INPP4A: variants seen among roughly 807,000 people sequenced by gnomAD.
INPP4A encodes the protein inositol polyphosphate-4-phosphatase, type I, 107kD.
INPP4A carries 33 observed loss-of-function variants against 119.8 expected under a neutral mutation model. That is an observed-to-expected ratio of 0.28 (90% CI 0.21 to 0.37). The LOEUF is 0.37. INPP4A is among the 10% of genes least tolerant of loss of function. The probability of loss-of-function intolerance (pLI) is 1.00; values close to 1 mark genes in which losing one functional copy is unlikely to be tolerated. For missense variants in INPP4A, 956 were observed against 1,289.9 expected, an observed-to-expected ratio of 0.74 and a Z score of 3.97; for synonymous variants, 496 against 500.7, an observed-to-expected ratio of 0.99 and a Z score of 0.12.
chr2:98,465,418 G>A (rs535303569), intron 1 of INPP4A, among the ~76,000 whole-genome samples: 1 of 152,242 alleles, frequency 6.6e-6, no homozygotes, highest in Non-Finnish European at 1.5e-5. Context: ...GGGCCTACCA[G>A]TGTAATCTAG....
At chr2:98,482,548 G>A (rs1384065620) in intron 1 of INPP4A, among the ~76,000 whole-genome samples, 1 of 152,248 alleles carries the variant, frequency 6.6e-6, no homozygotes, top group African/African-American at 2.4e-5. Flanking sequence ...AGGGGCAGCT[G>A]TGGGCCTCTG....
rs150555359 is a variant in INPP4A at position 98,518,017 on chromosome 2, G to A, written c.-165-947G>A. ...AGCATTGCGTTACTTAATGAGTTTG[G>A]TCACTTTTTCAAAATGTTTACCATG... is the stretch of plus-strand genomic sequence containing the variant. On this transcript the variant is annotated intron_variant, in intron 1 of 24. Transcript: ENST00000409851. Among the ~76,000 whole-genome samples the A allele has an allele frequency of 1.1e-4, 17 of 152,316 alleles. No homozygotes were observed. The East Asian group carries it at 3.3e-3, about 29-fold the overall frequency.
At chr2:98,576,873 T>C in intron 23 of INPP4A, 116 bp from the exon 24 acceptor site, 2 of 1,238,300 alleles carry the variant, frequency 1.6e-6, no homozygotes, top group Non-Finnish European at 1.1e-6. Context: ...CAGGCCTGGG[T>C]GTTGAGTTTC....
intron 4 of INPP4A, among the ~76,000 whole-genome samples, chr2:98,531,938 A>G (rs1689315237): frequency 6.6e-6 from 1 of 152,236 alleles, no homozygotes; most frequent in Admixed American, 6.5e-5. Context: ...CTGCATGAAT[A>G]GCAACTATAG....
At chr2:98,529,200 A>G (rs942139378) in intron 4 of INPP4A, among the ~76,000 whole-genome samples, 2 of 152,244 alleles carry the variant, frequency 1.3e-5, no homozygotes, top group African/African-American at 2.4e-5. Flanking sequence ...GATATTTGCT[A>G]GAGTATGGAT....
intron 1 of INPP4A, among the ~76,000 whole-genome samples, chr2:98,516,943 GT>G (rs201545884): frequency 2.7e-5 from 4 of 149,144 alleles, no homozygotes; most frequent in African/African-American, 7.4e-5. Flanking sequence ...ACTCACGTAA[GT>G]TTTTTTTTTA....
chr2:98,519,512 T>A (rs886725896), intron 2 of INPP4A: 1 of 152,852 alleles, frequency 6.5e-6, no homozygotes, highest in African/African-American at 2.4e-5. Flanking sequence ...ACTAGTGTTT[T>A]GCCACCTGTA....
intron 5 of INPP4A, among the ~76,000 whole-genome samples, chr2:98,534,889 A>G (rs1193470493): frequency 6.6e-6 from 1 of 152,224 alleles, no homozygotes; most frequent in Non-Finnish European, 1.5e-5. Context: ...GGTTGAGAAC[A>G]ACAGAGAAGA....
At chr2:98,503,335 G>T (rs541387986) in intron 1 of INPP4A, among the ~76,000 whole-genome samples, 1 of 152,320 alleles carries the variant, frequency 6.6e-6, no homozygotes, top group South Asian at 2.1e-4. Context: ...CTGTGGTCTG[G>T]TGTTAAAGGA....
chr2:98,563,604 G>T lies in INPP4A; in HGVS notation c.1995G>T (p.Leu665=). The change falls in exon 18 of 25, where the codon CTG becomes CTT. Residue 665 remains leucine, a synonymous_variant. Transcript: ENST00000409851. ...CCACCATAGCCACCTACCTGAGCCT[G>T]CAGTACCGCCGTGACGTGGTCTTCT... The part of the protein sequence containing the change: ...SAPTIATYLS[L]QYRRDVVFCQ... 1 of 1,613,258 alleles carries T rather than the reference G, an allele frequency of 6.2e-7. No homozygotes were observed. The highest frequency in any genetic ancestry group is 8.5e-7 in the Non-Finnish European group (1 of 1,179,872).
chr2:98,549,380 A>G lies in INPP4A; in HGVS notation c.1163+2686A>G, dbSNP rs17033304. On this transcript the variant is annotated intron_variant, in intron 13 of 24. Transcript: ENST00000409851. ...CACTTCACTATTACCTCTTATACAA[A>G]TGAAGCCAGCCTACATCTTCATGAT... is the stretch of plus-strand genomic sequence containing the variant. Among the ~76,000 whole-genome samples, 991 of 152,248 alleles carry G rather than the reference A, an allele frequency of 6.5e-3. 18 individuals carry two copies. Among genetic ancestry groups the G allele is most frequent in the African/African-American group, 0.022 (928 of 41,518 alleles).
chr2:98,558,582 C>G (rs886689906), intron 16 of INPP4A, among the ~76,000 whole-genome samples: 7 of 152,154 alleles, frequency 4.6e-5, no homozygotes, highest in African/African-American at 1.7e-4. Context: ...TGTAAAATCC[C>G]CATAAAGCTG....
intron 17 of INPP4A, among the ~76,000 whole-genome samples, chr2:98,562,545 G>T (rs72821962): frequency 8.7e-4 from 132 of 152,312 alleles, no homozygotes; most frequent in Admixed American, 2.1e-3. Flanking sequence ...ACCCTAAGGG[G>T]CATGTACTGC....
At chr2:98,501,736 G>A (rs892346781) in intron 1 of INPP4A, among the ~76,000 whole-genome samples, 6 of 152,220 alleles carry the variant, frequency 3.9e-5, no homozygotes, top group African/African-American at 1.4e-4. Context: ...ATCTGGCAGG[G>A]GGCACTGAAG....
chr2:98,479,766 C>T (rs908555866), intron 1 of INPP4A, among the ~76,000 whole-genome samples: 1 of 152,222 alleles, frequency 6.6e-6, no homozygotes, highest in Non-Finnish European at 1.5e-5. Context: ...AAAACTGTCT[C>T]CTTTGTCCCT....
At chr2:98,523,904 A>G (rs1413355870) in intron 4 of INPP4A, among the ~76,000 whole-genome samples, 2 of 152,154 alleles carry the variant, frequency 1.3e-5, no homozygotes, top group African/African-American at 4.8e-5. Flanking sequence ...CTATATGGAG[A>G]TTTTGAATGA....
chr2:98,467,216 C>T (rs1019389059), intron 1 of INPP4A, among the ~76,000 whole-genome samples: 4 of 152,006 alleles, frequency 2.6e-5, no homozygotes, highest in African/African-American at 2.4e-5. Context: ...ACCCTCAAAG[C>T]GGGGGGTGGT....
chr2:98,509,175 C>G (rs1190315529), intron 1 of INPP4A, among the ~76,000 whole-genome samples: 1 of 152,200 alleles, frequency 6.6e-6, no homozygotes, highest in Non-Finnish European at 1.5e-5. Context: ...CTAAGGCCTG[C>G]TCCATAATAG....
At chr2:98,573,960 T>C (rs1697960406) in intron 23 of INPP4A, among the ~76,000 whole-genome samples, 1 of 152,212 alleles carries the variant, frequency 6.6e-6, no homozygotes, top group African/African-American at 2.4e-5. Context: ...GACTTTATCT[T>C]TGTGGGAAGC....
Sources: gnomAD v4.1 joint callset for allele counts (sites outside exome capture counted in the v4.1 genomes callset) on GRCh38, gnomAD v4.1.1 for gene constraint, MANE v1.5 for transcripts, NCBI Gene and HGNC (gene_info 2026-07-23, HGNC 2026-07-21) for gene names.